Variants in ARHGAP26 observed in about 807,000 individuals in gnomAD.
ARHGAP26 encodes the protein Rho GTPase activating protein 26.
ARHGAP26 carries 38 observed loss-of-function variants against 104.8 expected under a neutral mutation model. The observed-to-expected ratio is 0.36, with a 90% CI of 0.28 to 0.48. The LOEUF (loss-of-function observed/expected upper bound fraction) is 0.48, where lower values mean the gene tolerates loss of function less well. Ranked by LOEUF, ARHGAP26 falls within the 20% of genes least tolerant of loss-of-function variation. ARHGAP26 has a pLI of 0.99. For synonymous variants in ARHGAP26, 341 were observed against 340.0 expected (o/e 1.00, Z -0.03); for missense variants, 704 against 947.9 (o/e 0.74, Z 3.38).
At chr5:142,777,340 A>C (rs1290766772) in intron 1 of ARHGAP26, among the ~76,000 whole-genome samples, 2 of 152,212 alleles carry the variant, frequency 1.3e-5, no homozygotes, top group Non-Finnish European at 2.9e-5. Context: ...GGACTTCCTA[A>C]TTCTGGCCTG....
At chr5:143,155,470 A>G (rs1800368688) in intron 20 of ARHGAP26, among the ~76,000 whole-genome samples, 1 of 152,206 alleles carries the variant, frequency 6.6e-6, no homozygotes, top group African/African-American at 2.4e-5. Context: ...TCCTGCCTTC[A>G]TCCAATTTTT....
intron 17 of ARHGAP26, among the ~76,000 whole-genome samples, chr5:143,061,165 A>G (rs993683366): frequency 6.6e-6 from 1 of 152,160 alleles, no homozygotes; most frequent in Non-Finnish European, 1.5e-5. Flanking sequence ...CCTTGTGCCA[A>G]TTTTTCTACC....
At chr5:143,118,288 A>G (rs1235128227) in intron 17 of ARHGAP26, among the ~76,000 whole-genome samples, 1 of 152,236 alleles carries the variant, frequency 6.6e-6, no homozygotes, top group African/African-American at 2.4e-5. Context: ...TTTAATCTGT[A>G]CAACATTCAC....
At chr5:142,959,956 A>C (rs986884338) in intron 11 of ARHGAP26, among the ~76,000 whole-genome samples, 1 of 152,244 alleles carries the variant, frequency 6.6e-6, no homozygotes, top group Non-Finnish European at 1.5e-5. Context: ...AAAGGCAACT[A>C]TATGGGATTG....
chr5:142,978,762 TTTTGTAAAAA>T (rs1773499514), intron 11 of ARHGAP26, among the ~76,000 whole-genome samples: 2 of 151,802 alleles, frequency 1.3e-5, no homozygotes, highest in African/African-American at 4.8e-5. Context: ...TTTTTTTTTT[TTTTGTAAAAA>T]TTGAAAATTT....
In ARHGAP26 at chr5:142,882,592, C is replaced by T. The variant is rs545528144; in HGVS notation, c.385-2706C>T. ...AGTAGGTTCTTGGGACGGTTACCTT[C>T]ATGGCACACAGGACATGGAAAGCAG... On this transcript the variant is annotated intron_variant, in intron 4 of 22. Transcript: ENST00000645722. Among the ~76,000 whole-genome samples, 7 of 152,272 alleles carry T rather than the reference C, an allele frequency of 4.6e-5. No homozygotes were observed. In the South Asian group the frequency reaches 1.5e-3, roughly 32 times the overall value.
chr5:143,218,224 A>G (rs1305673826), intron 22 of ARHGAP26, among the ~76,000 whole-genome samples: 1 of 152,154 alleles, frequency 6.6e-6, no homozygotes, highest in African/African-American at 2.4e-5. Flanking sequence ...TTCTAAAATC[A>G]TGCCCAGCTT....
rs753509051 is a variant in ARHGAP26, at chr5:143,207,180, G to A, written c.1989-18G>A. ...TTCCCTGTGTGCTGACAAGTTTTCT[G>A]GTTGTTATGTCTTGCAGCCCCCCGA... is the stretch of plus-strand genomic sequence containing the variant. On this transcript the variant is annotated intron_variant, in intron 20 of 22. Coordinates refer to ENST00000645722, the MANE Select transcript of ARHGAP26 (RefSeq NM_001135608.3). The A allele has an allele frequency of 6.2e-7, 1 of 1,609,342 alleles. No individual in the cohort carries two copies. Among genetic ancestry groups the A allele is most frequent in the Non-Finnish European group, 8.5e-7 (1 of 1,177,308 alleles).
At position 143,225,191 on chromosome 5, in the gene ARHGAP26, T is replaced by TTTTG. The variant is rs1357766242; in HGVS notation, c.*2753_*2756dup. The TTTTG allele has an allele frequency of 5.1e-6, 1 of 197,936 alleles. No individual in the cohort carries two copies. Among genetic ancestry groups the TTTTG allele is most frequent in the Non-Finnish European group, 1.0e-5 (1 of 95,564 alleles). The allele number at this position is 197,936 out of a possible 1,614,324, so 12.3% of individuals were successfully genotyped here. A position where few individuals can be genotyped will look rare whatever the true frequency, so the allele number is the denominator to read the frequency against. Reference sequence around the variant, plus strand: ...ATTTGATGAGGTTTTTTATTTGTGTTTTTGTTTGTTTTTTGAGATGGAGTC... The same window carrying TTTTG: ...ATTTGATGAGGTTTTTTATTTGTGTTTTTGTTTGTTTGTTTTTTGAGATGGAGTC... On this transcript the variant is annotated 3_prime_UTR_variant, in exon 23 of 23. Transcript: ENST00000645722.
intron 17 of ARHGAP26, among the ~76,000 whole-genome samples, chr5:143,107,596 G>A (rs1794199328): frequency 1.3e-5 from 2 of 152,170 alleles, no homozygotes; most frequent in South Asian, 4.1e-4. Context: ...TTAGAACTTT[G>A]TCATTAAACA....
At chr5:142,976,129 A>G (rs181077281) in intron 11 of ARHGAP26, among the ~76,000 whole-genome samples, 2 of 152,322 alleles carry the variant, frequency 1.3e-5, no homozygotes, top group Non-Finnish European at 2.9e-5. Context: ...CACCCAAGTA[A>G]AGATATGGTA....
chr5:142,983,502 A>G (rs1020497398), intron 11 of ARHGAP26, among the ~76,000 whole-genome samples: 1 of 152,246 alleles, frequency 6.6e-6, no homozygotes, highest in Admixed American at 6.5e-5. Context: ...CTCCACGACC[A>G]GCCTGGTCCT....
At chr5:143,054,725 GAC>G (rs1785544219) in intron 15 of ARHGAP26, among the ~76,000 whole-genome samples, 199 bp downstream of exon 15, 1 of 152,212 alleles carries the variant, frequency 6.6e-6, no homozygotes, top group African/African-American at 2.4e-5. Context: ...TTTGTGCAGT[GAC>G]ACCCTGAGTG....
Position 143,037,245 on chromosome 5 carries a change from T to G in ARHGAP26, c.1194T>G (p.His398Gln). 6.2e-7 allele frequency: 1 copy of G among 1,601,390 alleles called. No homozygotes were observed. Among genetic ancestry groups the G allele is most frequent in the Non-Finnish European group, 8.5e-7 (1 of 1,170,412 alleles). ...IGFSIIRKCI[H>Q]AVETRGINEQ... ...TCAGCATAATCAGGAAATGCATCCA[T>G]GCTGTGGAAACCAGAGGTAAAGTAG... The change falls in exon 13 of 23, where the codon CAT becomes CAG. Residue 398 changes from histidine (H) to glutamine (Q), a missense_variant. This residue lies in a region of ARHGAP26 where 287 missense variants were observed against 438.8 expected (regional missense o/e 0.65). Transcript: ENST00000645722.
At chr5:143,149,364 G>C (rs1191162405) in intron 20 of ARHGAP26, among the ~76,000 whole-genome samples, 3 of 152,148 alleles carry the variant, frequency 2.0e-5, no homozygotes, top group Non-Finnish European at 4.4e-5. Flanking sequence ...TGAGGTAGAA[G>C]CAGTACCAGC....
intron 21 of ARHGAP26, among the ~76,000 whole-genome samples, chr5:143,211,383 C>T (rs1809434994): frequency 6.6e-6 from 1 of 152,284 alleles, no homozygotes; most frequent in Non-Finnish European, 1.5e-5. Flanking sequence ...CCTACCCATT[C>T]CTATTCCTTG....
Position 142,828,801 on chromosome 5 carries a change from C to T in ARHGAP26, c.155-44599C>T, listed in dbSNP as rs140673908. 1.5e-4 allele frequency among the ~76,000 whole-genome samples: 23 copies of T among 152,224 alleles called. No individual in the cohort carries two copies. The East Asian group carries it at 3.9e-3, about 26-fold the overall frequency. On this transcript the variant is annotated intron_variant, in intron 1 of 22. Transcript: ENST00000645722. ...GCTCAGGGAGAGTTGCCACCTGGCC[C>T]ATCTGTAGAGTGGCCCAAATCTGGT...
intron 20 of ARHGAP26, among the ~76,000 whole-genome samples, chr5:143,154,520 A>G (rs898970141): frequency 3.9e-5 from 6 of 152,126 alleles, no homozygotes; most frequent in South Asian, 4.1e-4. Flanking sequence ...CAGCCATGGT[A>G]TGTATTTTTC....
intron 3 of ARHGAP26, among the ~76,000 whole-genome samples, chr5:142,876,776 CAAAAAAAAAAAAAA>C (rs34843524): frequency 4.1e-5 from 2 of 48,458 alleles, no homozygotes; most frequent in South Asian, 9.6e-4. Context: ...GACCCTGTGT[CAAAAAAAAAAAAAA>C]AAAAAAAAAA....
Sources: allele counts gnomAD v4.1 joint callset (sites outside exome capture counted in the v4.1 genomes callset), GRCh38; gene constraint gnomAD v4.1.1; regional missense constraint gnomAD v4.1.1; transcripts MANE v1.5; gene names NCBI Gene and HGNC (gene_info 2026-07-23, HGNC 2026-07-21).